The following ANXA1 variants were observed in gnomAD, a reference collection of about 807,000 sequenced individuals.
The protein encoded by ANXA1 is annexin I (lipocortin I).
A neutral mutation model predicts 47.9 loss-of-function variants in ANXA1; 39 were observed. The ratio of observed to expected loss-of-function variants is 0.81; its 90% CI spans 0.63 to 1.06. ANXA1 has a LOEUF of 1.06. Ranked by LOEUF, ANXA1 falls within the 50% of genes least tolerant of loss-of-function variation. The pLI is 0.00. For missense variants in ANXA1, 446 were observed against 422.7 expected (o/e 1.06, Z -0.48); for synonymous variants, 146 against 142.5 (o/e 1.02, Z -0.17).
intron 12 of ANXA1, among the ~76,000 whole-genome samples, chr9:73,169,553 T>C (rs541728361): frequency 1.3e-5 from 2 of 152,246 alleles, no homozygotes; most frequent in South Asian, 4.1e-4. Context: ...TATGTTCAAA[T>C]TGTCTCATAA....
intron 5 of ANXA1, 48 bp downstream of exon 5, chr9:73,160,424 G>T: frequency 7.6e-7 from 1 of 1,317,182 alleles, no homozygotes; most frequent in Non-Finnish European, 1.0e-6. Context: ...AGGATGTATT[G>T]GGCAAGTCAC....
intron 8 of ANXA1, 64 bp downstream of exon 8, chr9:73,163,596 T>C: frequency 6.5e-7 from 1 of 1,532,832 alleles, no homozygotes; most frequent in Non-Finnish European, 9.0e-7. Context: ...GGCTACCACA[T>C]GATCCCCTGT....
intron 4 of ANXA1, 83 bp downstream of exon 4, chr9:73,159,506 C>T: frequency 8.6e-7 from 1 of 1,164,504 alleles, no homozygotes; most frequent in Non-Finnish European, 1.3e-6. Context: ...TTACCTAGTT[C>T]TTTAAGGTTC....
At chr9:73,158,242 C>T (rs1377996654) in intron 1 of ANXA1, 4 of 344,394 alleles carry the variant, frequency 1.2e-5, no homozygotes, top group South Asian at 6.1e-5. Context: ...AGCCTGTGTG[C>T]TTACTTGTAG....
chr9:73,163,454 A>G (rs2795118), intron 7 of ANXA1, 22 bp from the exon 8 acceptor site: 79,126 of 1,610,758 alleles, frequency 0.049, 2,404 homozygotes, highest in South Asian at 0.1. Flanking sequence ...AAGAGCTTAC[A>G]ATAGAATGGG....
At chr9:73,169,951 C>T (rs993372057) in intron 12 of ANXA1, 100 bp from the exon 13 acceptor site, 7 of 748,674 alleles carry the variant, frequency 9.3e-6, no homozygotes, top group Non-Finnish European at 1.5e-5. Flanking sequence ...TGTGTAATCT[C>T]ATCTACAGCT....
chr9:73,158,408 A>T, intron 1 of ANXA1, 114 bp from the exon 2 acceptor site: 1 of 766,614 alleles, frequency 1.3e-6, no homozygotes, highest in South Asian at 1.7e-5. Flanking sequence ...GATCCTGGAA[A>T]GTAAGCGCAA....
At chr9:73,169,273 A>G in intron 12 of ANXA1, 119 bp downstream of exon 12, 1 of 1,110,564 alleles carries the variant, frequency 9.0e-7, no homozygotes, top group Non-Finnish European at 1.2e-6. Context: ...AATTTAATAT[A>G]TTATGGTGTA....
At position 73,165,844 on chromosome 9, in the gene ANXA1, T is replaced by G. The variant is rs143419620; in HGVS notation, c.707-253T>G. ...GGAAGTGCTATAGTTGTCAATCACA[T>G]GCCGTTTCTAATAACTGTCAACATT... On this transcript the variant is annotated intron_variant, in intron 9 of 12. Coordinates refer to ENST00000257497, the MANE Select transcript of ANXA1 (RefSeq NM_000700.3). 4.4e-3 allele frequency among the ~76,000 whole-genome samples: 663 copies of G among 152,232 alleles called. 1 individual carries two copies. Among genetic ancestry groups the G allele is most frequent in the African/African-American group, 0.015 (637 of 41,568 alleles).
At chr9:73,160,932 A>G (rs1824132875) in intron 6 of ANXA1, 39 bp downstream of exon 6, 1 of 1,356,160 alleles carries the variant, frequency 7.4e-7, no homozygotes, top group South Asian at 1.2e-5. Context: ...GCCTTATTTG[A>G]AAAGGAAATC....
intron 6 of ANXA1, among the ~76,000 whole-genome samples, chr9:73,161,796 A>AC (rs1824147578): frequency 6.6e-6 from 1 of 152,172 alleles, no homozygotes; most frequent in Non-Finnish European, 1.5e-5. Context: ...GTTTGATAAA[A>AC]CATAGTTTAT....
intron 3 of ANXA1, 62 bp downstream of exon 3, chr9:73,158,865 G>A (rs1824093279): frequency 2.3e-6 from 3 of 1,312,522 alleles, no homozygotes; most frequent in Admixed American, 3.7e-5. Flanking sequence ...TTGAATGACT[G>A]TCAAAAAACA....
chr9:73,164,386 C>T (rs1824192505), intron 8 of ANXA1, among the ~76,000 whole-genome samples: 2 of 152,046 alleles, frequency 1.3e-5, no homozygotes, highest in Non-Finnish European at 2.9e-5. Context: ...ATTGTTCAAG[C>T]ATATTAAGGA....
At position 73,170,080 on chromosome 9, in the gene ANXA1, C is replaced by G; in HGVS notation, c.1014C>G (p.Ile338Met). The stretch of plus-strand genomic sequence containing the variant: ...AAACCAAAGGAGATTATGAGAAAAT[C>G]CTGGTGGCTCTTTGTGGAGGAAACT... ...LDETKGDYEKILVALCGGN is the reference protein window; with the variant it reads ...LDETKGDYEKMLVALCGGN Residue 338 changes from isoleucine to methionine, a missense_variant, in exon 13 of 13, where the codon ATC becomes ATG. Coordinates refer to ENST00000257497, the MANE Select transcript of ANXA1 (RefSeq NM_000700.3). 6.2e-7 allele frequency: 1 copy of G among 1,607,288 alleles called. No individual in the cohort carries two copies. Among genetic ancestry groups the G allele is most frequent in the Non-Finnish European group, 8.5e-7 (1 of 1,176,242 alleles).
intron 10 of ANXA1, among the ~76,000 whole-genome samples, chr9:73,167,260 T>C (rs1033155280): frequency 6.6e-6 from 1 of 152,126 alleles, no homozygotes; most frequent in Non-Finnish European, 1.5e-5. Context: ...GCTCTTGAGA[T>C]GTATTTAAGG....
chr9:73,164,836 T>C (rs1302747933), intron 8 of ANXA1, among the ~76,000 whole-genome samples: 1 of 152,150 alleles, frequency 6.6e-6, no homozygotes, highest in Non-Finnish European at 1.5e-5. Flanking sequence ...TGTCTTACTA[T>C]AGAGCATAAT....
At chr9:73,156,313 A>G (rs967552526) in intron 1 of ANXA1, among the ~76,000 whole-genome samples, 12 of 152,068 alleles carry the variant, frequency 7.9e-5, no homozygotes, top group South Asian at 2.1e-4. Flanking sequence ...TGAGTGCCTG[A>G]AGCTGCTAGA....
Position 73,159,393 on chromosome 9 carries a change from C to G in ANXA1, c.240C>G (p.Ile80Met), listed in dbSNP as rs1279857941. 6.2e-7 allele frequency: 1 copy of G among 1,613,108 alleles called. No individual in the cohort carries two copies. The highest frequency in any genetic ancestry group is 1.3e-5 in the African/African-American group (1 of 74,968). Residue 80 changes from isoleucine (I) to methionine (M), a missense_variant, in exon 4 of 13, where the codon ATC (isoleucine) becomes ATG (methionine). Coordinates refer to ENST00000257497, the MANE Select transcript of ANXA1 (RefSeq NM_000700.3). ...TKRNNAQRQQ[I>M]KAAYLQETGK... ...GAAACAATGCACAGCGTCAACAGAT[C>G]AAAGCAGCATATCTCCAGGAAACAG... is the stretch of plus-strand genomic sequence containing the variant.
chr9:73,167,404 T>C, intron 10 of ANXA1, 93 bp from the exon 11 acceptor site: 1 of 1,202,016 alleles, frequency 8.3e-7, no homozygotes, highest in Non-Finnish European at 1.2e-6. Flanking sequence ...GATAGAACAC[T>C]GTTGGCAAAA....
Sources: gnomAD v4.1 joint callset for allele counts (sites outside exome capture counted in the v4.1 genomes callset) on GRCh38, gnomAD v4.1.1 for gene constraint, MANE v1.5 for transcripts, NCBI Gene and HGNC (gene_info 2026-07-23, HGNC 2026-07-21) for gene names.